Variants in DCHS2 observed in about 807,000 individuals in gnomAD.
DCHS2 encodes protocadherin-23.
DCHS2 carries 142 observed loss-of-function variants against 182.4 expected under a neutral mutation model. That is an observed-to-expected ratio of 0.78 (90% CI 0.68 to 0.89). The LOEUF (loss-of-function observed/expected upper bound fraction) is 0.89, where lower values mean the gene tolerates loss of function less well. Ranked by LOEUF, DCHS2 falls within the 40% of genes least tolerant of loss-of-function variation. The pLI is 0.00. For missense variants in DCHS2, 4,319 were observed against 4,198.6 expected, an observed-to-expected ratio of 1.03 and a Z score of -0.79; for synonymous variants, 1,740 against 1,663.3, an observed-to-expected ratio of 1.05 and a Z score of -1.12.
chr4:154,236,913 C>T lies in DCHS2; in HGVS notation c.7739G>A (p.Arg2580His), dbSNP rs376721416. The T allele has an allele frequency of 6.1e-5, 98 of 1,614,060 alleles. No homozygotes were observed. The highest frequency in any genetic ancestry group is 3.6e-4 in the East Asian group (16 of 44,864). ...GGAATATTCAACATATGTGTTTTCA[C>T]GGGTCCAGTCATGGTCGATGTTTGA... ...TFSNIDHDWTRENTYVEYSII... is the reference protein window; with the variant it reads ...TFSNIDHDWTHENTYVEYSII... The change falls in exon 20 of 20, where the codon CGT (arginine) becomes CAT (histidine). Residue 2580 changes from arginine (R) to histidine (H), a missense_variant. Physicochemically the swap from Arg to His is conservative, Grantham distance 29 (BLOSUM62 0). Coordinates refer to ENST00000357232, the MANE Select transcript of DCHS2 (RefSeq NM_001358235.2).
chr4:154,488,947 T>A (rs1178600461), intron 1 of DCHS2, among the ~76,000 whole-genome samples: 1 of 151,576 alleles, frequency 6.6e-6, no homozygotes, highest in Non-Finnish European at 1.5e-5. Flanking sequence ...CATGTATTTA[T>A]ATGATATGAT....
intron 1 of DCHS2, among the ~76,000 whole-genome samples, chr4:154,439,330 G>T (rs1253405997): frequency 6.6e-6 from 1 of 152,168 alleles, no homozygotes; most frequent in African/African-American, 2.4e-5. Flanking sequence ...TGCCCTGAAA[G>T]AAGGATTTAC....
intron 14 of DCHS2, among the ~76,000 whole-genome samples, chr4:154,267,140 G>A (rs980533768): frequency 6.6e-5 from 10 of 152,310 alleles, no homozygotes; most frequent in African/African-American, 2.2e-4. Context: ...ATGTTACTGC[G>A]ACAGCAACAG....
chr4:154,317,433 C>A (rs968063469), intron 9 of DCHS2, among the ~76,000 whole-genome samples: 2 of 152,132 alleles, frequency 1.3e-5, no homozygotes, highest in African/African-American at 4.8e-5. Flanking sequence ...TCCATGCATG[C>A]CTCAGAATGA....
intron 8 of DCHS2, 110 bp downstream of exon 8, chr4:154,322,221 A>G: frequency 2.1e-6 from 3 of 1,411,964 alleles, no homozygotes; most frequent in Admixed American, 2.2e-5. Context: ...TGTAACATAC[A>G]TACATATTCA....
rs1027504626 is a variant in DCHS2 at position 154,233,808 on chromosome 4, C to T, written c.*728G>A. On this transcript the variant is annotated 3_prime_UTR_variant, in exon 20 of 20. Coordinates refer to ENST00000357232, the MANE Select transcript of DCHS2 (RefSeq NM_001358235.2). ...TAAATATTGCGAGTATCAATCCTGG[C>T]CCTCTATCAGGAACATGCATTTCTG... 6.6e-6 allele frequency: 1 copy of T among 152,048 alleles called. No homozygotes were observed. The highest frequency in any genetic ancestry group is 1.5e-5 in the Non-Finnish European group (1 of 68,004). The allele number at this position is 152,048 out of a possible 1,614,324, so 9.4% of individuals were successfully genotyped here. A position where few individuals can be genotyped will look rare whatever the true frequency, so the allele number is the denominator to read the frequency against.
At chr4:154,451,947 G>T (rs1001362286) in intron 1 of DCHS2, among the ~76,000 whole-genome samples, 1 of 152,164 alleles carries the variant, frequency 6.6e-6, no homozygotes, top group Non-Finnish European at 1.5e-5. Flanking sequence ...ATCAAAGGGT[G>T]GTTTCAGCAG....
At chr4:154,367,094 C>A (rs1226311671) in intron 2 of DCHS2, among the ~76,000 whole-genome samples, 1 of 152,158 alleles carries the variant, frequency 6.6e-6, no homozygotes, top group Non-Finnish European at 1.5e-5. Flanking sequence ...CGTGGTGTAC[C>A]TCTCAGGCCT....
At chr4:154,274,215 ATTTATT>A (rs1291548390) in intron 13 of DCHS2, among the ~76,000 whole-genome samples, 2 of 152,152 alleles carry the variant, frequency 1.3e-5, no homozygotes, top group Admixed American at 1.3e-4. Flanking sequence ...AATTTTATAT[ATTTATT>A]TTTATTTGAA....
Position 154,490,497 on chromosome 4 carries a change from G to A in DCHS2, c.859C>T (p.Leu287=), listed in dbSNP as rs13130030. The change falls in exon 1 of 20, where the codon CTG becomes TTG. Residue 287 remains leucine, a synonymous_variant. Coordinates refer to ENST00000357232, the MANE Select transcript of DCHS2 (RefSeq NM_001358235.2). ...ACCGGCGGGTTGTCGTTCTCATCCA[G>A]CACGCGCAGCTCCACGCTCAGGAGG... The part of the protein sequence containing the change: ...TGLLSVELRV[L]DENDNPPVFE... 0.45 allele frequency: 687,219 copies of A among 1,536,660 alleles called. 155,923 individuals carry two copies. Among genetic ancestry groups the A allele is most frequent in the Admixed American group, 0.49 (25,113 of 50,960 alleles).
intron 1 of DCHS2, among the ~76,000 whole-genome samples, chr4:154,423,904 C>T (rs995028352): frequency 2.0e-5 from 3 of 152,124 alleles, no homozygotes; most frequent in Non-Finnish European, 4.4e-5. Flanking sequence ...TCCTGGGTAA[C>T]GCCAATACTG....
At chr4:154,449,761 G>T (rs963466691) in intron 1 of DCHS2, among the ~76,000 whole-genome samples, 1 of 152,092 alleles carries the variant, frequency 6.6e-6, no homozygotes, top group Admixed American at 6.5e-5. Flanking sequence ...AAATAATAAT[G>T]CAATTTTCAG....
At chr4:154,363,017 C>T (rs1730194382) in intron 3 of DCHS2, among the ~76,000 whole-genome samples, 1 of 152,144 alleles carries the variant, frequency 6.6e-6, no homozygotes, top group Non-Finnish European at 1.5e-5. Flanking sequence ...AGATTTTTAA[C>T]TATGTGGAGG....
intron 1 of DCHS2, among the ~76,000 whole-genome samples, chr4:154,452,723 C>A (rs1341178748): frequency 6.6e-6 from 1 of 152,008 alleles, no homozygotes; most frequent in East Asian, 1.9e-4. Flanking sequence ...ATCCAAATAA[C>A]CCTAAATTTT....
rs1450378311 is a variant in DCHS2 at position 154,490,512 on chromosome 4, C to T, written c.844G>A (p.Val282Met). The change falls in exon 1 of 20, where the codon GTG (valine) becomes ATG (methionine). Residue 282 changes from valine to methionine, a missense_variant. Coordinates refer to ENST00000357232, the MANE Select transcript of DCHS2 (RefSeq NM_001358235.2). ...GRPRRTGLLS[V>M]ELRVLDENDN... ...TTCTCATCCAGCACGCGCAGCTCCA[C>T]GCTCAGGAGGCCGGTGCGCCGGGGT... 2 of 1,537,452 alleles carry T rather than the reference C, an allele frequency of 1.3e-6. No homozygotes were observed. The highest frequency in any genetic ancestry group is 2.4e-5 in the East Asian group (1 of 40,908).
At chr4:154,413,285 T>G (rs966506054) in intron 1 of DCHS2, among the ~76,000 whole-genome samples, 4 of 152,196 alleles carry the variant, frequency 2.6e-5, no homozygotes, top group Admixed American at 2.6e-4. Flanking sequence ...TTCCTCTTCT[T>G]CCAAAGTAGA....
chr4:154,377,347 A>G lies in DCHS2; in HGVS notation c.2150T>C (p.Ile717Thr), dbSNP rs755649612. The G allele has an allele frequency of 9.3e-6, 15 of 1,613,720 alleles. No individual in the cohort carries two copies. The South Asian group carries it at 1.6e-4, about 18-fold the overall frequency. Reference protein sequence around the residue: ...LSYEAPQAFRIDPHDGQICVS... With the variant: ...LSYEAPQAFRTDPHDGQICVS... ...ACAGATTTGCCCATCATGAGGGTCG[A>G]TCCGGAATGCCTGAGGTGCTTCATA... The change falls in exon 2 of 20, where the codon ATC (isoleucine) becomes ACC (threonine). Residue 717 changes from isoleucine (I) to threonine (T), a missense_variant. Physicochemically the swap from Ile to Thr is moderately conservative, Grantham distance 89 (BLOSUM62 -1). Transcript: ENST00000357232.
chr4:154,284,796 G>T (rs570051942), intron 13 of DCHS2, among the ~76,000 whole-genome samples: 1 of 152,156 alleles, frequency 6.6e-6, no homozygotes. Flanking sequence ...TGGAAAGTTT[G>T]TCTAGGCCAC....
intron 1 of DCHS2, among the ~76,000 whole-genome samples, chr4:154,411,113 T>C (rs1488613518): frequency 1.3e-5 from 2 of 152,216 alleles, no homozygotes; most frequent in Non-Finnish European, 2.9e-5. Flanking sequence ...AACATTATGC[T>C]AAATCAAAGA....
Sources: gnomAD v4.1 joint callset for allele counts (sites outside exome capture counted in the v4.1 genomes callset) on GRCh38, gnomAD v4.1.1 for gene constraint, MANE v1.5 for transcripts, NCBI Gene and HGNC (gene_info 2026-07-23, HGNC 2026-07-21) for gene names.